The following FAM81B variants were observed in gnomAD, a reference collection of about 807,000 sequenced individuals.
The protein encoded by FAM81B is family with sequence similarity 81 member B.
A neutral mutation model predicts 58.7 loss-of-function variants in FAM81B; 60 were observed. That is an observed-to-expected ratio of 1.02 (90% CI 0.83 to 1.27). The LOEUF is 1.27. Ranked by LOEUF, FAM81B falls within the 50% of genes most tolerant of loss-of-function variation. FAM81B has a pLI of 0.00. For synonymous variants in FAM81B, 189 were observed against 179.6 expected (o/e 1.05, Z -0.42); for missense variants, 491 against 522.0 (o/e 0.94, Z 0.58).
chr5:95,412,476 T>C (rs7707641), intron 3 of FAM81B, among the ~76,000 whole-genome samples: 41,272 of 152,128 alleles, frequency 0.27, 5,841 homozygotes, highest in Non-Finnish European at 0.3. Flanking sequence ...TTCATTAAAA[T>C]TTCCTAAAAT....
intron 3 of FAM81B, among the ~76,000 whole-genome samples, chr5:95,402,036 A>G (rs1332881142): frequency 2.6e-5 from 4 of 152,200 alleles, no homozygotes; most frequent in Admixed American, 1.3e-4. Flanking sequence ...TGGAATATCC[A>G]GTTATTTCTT....
chr5:95,428,850 G>C, intron 6 of FAM81B, 118 bp downstream of exon 6: 2 of 1,388,668 alleles, frequency 1.4e-6, no homozygotes, highest in East Asian at 2.3e-5. Flanking sequence ...TCTTCCAAAG[G>C]GTGTAATTCT....
chr5:95,418,476 A>G (rs1023303683), intron 4 of FAM81B, among the ~76,000 whole-genome samples: 1 of 152,194 alleles, frequency 6.6e-6, no homozygotes, highest in South Asian at 2.1e-4. Flanking sequence ...ACAAAGGAAA[A>G]ATAAATTCAT....
At chr5:95,439,236 G>GTGTATATATATATATA (rs1554046246) in intron 7 of FAM81B, among the ~76,000 whole-genome samples, 15 of 105,192 alleles carry the variant, frequency 1.4e-4, no homozygotes, top group Middle Eastern at 7.0e-3. Context: ...AGGTTAAAGA[G>GTGTATATATATATATA]TATATATATA....
At chr5:95,400,157 G>A (rs143292432) in intron 3 of FAM81B, among the ~76,000 whole-genome samples, 3 of 152,136 alleles carry the variant, frequency 2.0e-5, no homozygotes, top group African/African-American at 4.8e-5. Context: ...CACAAACTGC[G>A]TGGCTTTAAA....
intron 4 of FAM81B, among the ~76,000 whole-genome samples, chr5:95,417,869 C>G (rs1762577853): frequency 6.6e-6 from 1 of 152,138 alleles, no homozygotes; most frequent in African/African-American, 2.4e-5. Context: ...GTATATGTTA[C>G]AAATGTTTTT....
chr5:95,448,667 A>C, intron 9 of FAM81B: 1 of 614,390 alleles, frequency 1.6e-6, no homozygotes, highest in South Asian at 1.8e-5. Context: ...TCACTTGGCA[A>C]TGTCACAGGC....
intron 3 of FAM81B, among the ~76,000 whole-genome samples, chr5:95,408,121 G>T (rs1322797509): frequency 6.8e-6 from 1 of 148,094 alleles, no homozygotes; most frequent in Non-Finnish European, 1.5e-5. Context: ...AGGAGGGAAG[G>T]AGGGAGGAAG....
intron 5 of FAM81B, among the ~76,000 whole-genome samples, chr5:95,421,193 C>T (rs957278008): frequency 1.3e-5 from 2 of 152,170 alleles, no homozygotes; most frequent in Admixed American, 6.5e-5. Flanking sequence ...TAGCTGTTTA[C>T]AGTCTACCAG....
chr5:95,413,007 C>T (rs552726314), intron 3 of FAM81B, among the ~76,000 whole-genome samples: 14 of 152,124 alleles, frequency 9.2e-5, no homozygotes, highest in Non-Finnish European at 1.6e-4. Flanking sequence ...CTGGAGGAAC[C>T]TCTATATCGG....
At position 95,414,199 on chromosome 5, in the gene FAM81B, C is replaced by T. The variant is rs770924026; in HGVS notation, c.537+9C>T. On this transcript the variant is annotated intron_variant, in intron 4 of 9. Coordinates refer to ENST00000283357, the MANE Select transcript of FAM81B (RefSeq NM_152548.3). ...TCAGCCAAAATATTGAGGTAGTTCT[C>T]TTTTTGTTTTATTTTGTTTTTGTTT... 52 of 1,595,206 alleles carry T rather than the reference C, an allele frequency of 3.3e-5. No individual in the cohort carries two copies. The highest frequency in any genetic ancestry group is 4.1e-5 in the Non-Finnish European group (48 of 1,171,970).
intron 5 of FAM81B, among the ~76,000 whole-genome samples, chr5:95,424,627 T>C (rs1762776502): frequency 6.6e-6 from 1 of 152,160 alleles, no homozygotes; most frequent in South Asian, 2.1e-4. Flanking sequence ...AAAACTGCCT[T>C]AGCAGAATGA....
At chr5:95,438,300 CA>C (rs1745183784) in intron 7 of FAM81B, among the ~76,000 whole-genome samples, 2 of 151,994 alleles carry the variant, frequency 1.3e-5, no homozygotes. Context: ...GGAATTAAGA[CA>C]AAGAAAACTG....
At position 95,405,840 on chromosome 5, in the gene FAM81B, G is replaced by A. The variant is rs114315608; in HGVS notation, c.294-8107G>A. Among the ~76,000 whole-genome samples the A allele has an allele frequency of 6.9e-3, 1,052 of 152,264 alleles. 7 individuals carry two copies. Among genetic ancestry groups the A allele is most frequent in the Admixed American group, 0.011 (164 of 15,296 alleles). ...CAGGTCTTCACCTTTTGCTCCCCAG[G>A]AAGAAGCAGGTTTAGGAGAACACTT... is the stretch of plus-strand genomic sequence containing the variant. On this transcript the variant is annotated intron_variant, in intron 3 of 9. Transcript: ENST00000283357.
At chr5:95,400,332 G>A (rs1318280960) in intron 3 of FAM81B, among the ~76,000 whole-genome samples, 1 of 151,988 alleles carries the variant, frequency 6.6e-6, no homozygotes, top group Non-Finnish European at 1.5e-5. Context: ...TTGTAGATGT[G>A]TCAGTCCAAT....
chr5:95,440,259 A>C (rs1282748669), intron 7 of FAM81B: 3 of 764,852 alleles, frequency 3.9e-6, no homozygotes, highest in Non-Finnish European at 7.0e-6. Context: ...TAATGCTGAA[A>C]AATACAAGGA....
chr5:95,424,077 G>C, intron 5 of FAM81B: 1 of 1,289,764 alleles, frequency 7.8e-7, no homozygotes, highest in Non-Finnish European at 1.0e-6. Flanking sequence ...GCTTATACCT[G>C]AGAGAAACTG....
intron 7 of FAM81B, among the ~76,000 whole-genome samples, chr5:95,441,353 G>A (rs533182299): frequency 1.3e-5 from 2 of 152,030 alleles, no homozygotes; most frequent in Non-Finnish European, 1.5e-5. Context: ...GGCAGATCAC[G>A]AGATCAAGAG....
At chr5:95,448,191 T>C (rs556987075) in intron 8 of FAM81B, 78 bp from the exon 9 acceptor site, 1 of 1,334,636 alleles carries the variant, frequency 7.5e-7, no homozygotes, top group African/African-American at 1.5e-5. Context: ...GAAAAATGAA[T>C]GTTAAAAATA....
Sources: gnomAD v4.1 joint callset for allele counts (sites outside exome capture counted in the v4.1 genomes callset) on GRCh38, gnomAD v4.1.1 for gene constraint, MANE v1.5 for transcripts, NCBI Gene and HGNC (gene_info 2026-07-23, HGNC 2026-07-21) for gene names.